SLC9A9: variants seen among roughly 807,000 people sequenced by gnomAD.
SLC9A9 encodes the protein solute carrier family 9 member A9.
SLC9A9 carries 62 observed loss-of-function variants against 77.8 expected under a neutral mutation model. That is an observed-to-expected ratio of 0.80 (90% CI 0.65 to 0.98). SLC9A9 has a LOEUF of 0.98. Ranked by LOEUF, SLC9A9 falls within the 50% of genes least tolerant of loss-of-function variation. The pLI, the probability that SLC9A9 is intolerant of heterozygous loss-of-function variation, is 0.00. For missense variants in SLC9A9, 775 were observed against 774.9 expected, an observed-to-expected ratio of 1.00 and a Z score of 0.00; for synonymous variants, 320 against 283.5, an observed-to-expected ratio of 1.13 and a Z score of -1.29.
At chr3:143,668,417 G>A (rs754734063) in intron 5 of SLC9A9, among the ~76,000 whole-genome samples, 8 of 151,754 alleles carry the variant, frequency 5.3e-5, no homozygotes, top group African/African-American at 1.2e-4. Context: ...CCAACATGGC[G>A]CATGTATACA....
At chr3:143,542,927 T>G (rs1348914082) in intron 9 of SLC9A9, among the ~76,000 whole-genome samples, 1 of 152,226 alleles carries the variant, frequency 6.6e-6, no homozygotes, top group Non-Finnish European at 1.5e-5. Context: ...AAGGTTAAGA[T>G]AAATTTAGAT....
chr3:143,827,469 A>G (rs2009329005), intron 2 of SLC9A9, among the ~76,000 whole-genome samples: 1 of 152,200 alleles, frequency 6.6e-6, no homozygotes. Flanking sequence ...CAAGTTTGGC[A>G]TATGGTGTTT....
At chr3:143,276,210 T>C (rs890472327) in intron 14 of SLC9A9, among the ~76,000 whole-genome samples, 1 of 152,212 alleles carries the variant, frequency 6.6e-6, no homozygotes, top group Non-Finnish European at 1.5e-5. Context: ...ATCTAGTTAC[T>C]ACTGTTAGAG....
chr3:143,770,501 G>A (rs1296369973), intron 4 of SLC9A9, among the ~76,000 whole-genome samples: 1 of 152,084 alleles, frequency 6.6e-6, no homozygotes, highest in African/African-American at 2.4e-5. Flanking sequence ...ATCTTGTGTT[G>A]GGAGGAGTCT....
At chr3:143,557,417 A>T (rs917050016) in intron 8 of SLC9A9, among the ~76,000 whole-genome samples, 3 of 152,180 alleles carry the variant, frequency 2.0e-5, no homozygotes, top group African/African-American at 7.2e-5. Flanking sequence ...AGAAATGTCG[A>T]TGCAACTTTG....
chr3:143,631,312 G>C (rs574824147), intron 6 of SLC9A9, among the ~76,000 whole-genome samples: 1 of 152,142 alleles, frequency 6.6e-6, no homozygotes. Context: ...GTTCACAGGA[G>C]AGCAACTACA....
Position 143,654,859 on chromosome 3 carries a change from C to A in SLC9A9, c.650-2499G>T, listed in dbSNP as rs560299090. On this transcript the variant is annotated intron_variant, in intron 5 of 15. Transcript: ENST00000316549. The stretch of plus-strand genomic sequence containing the variant: ...CCTATGGGGAAGACTCTACACCTGT[C>A]TAACGAAAGCTTTGAGCTTTTAAGA... Among the ~76,000 whole-genome samples, 4 of 152,296 alleles carry A rather than the reference C, an allele frequency of 2.6e-5. No homozygotes were observed. The East Asian group carries it at 7.7e-4, about 29-fold the overall frequency.
At chr3:143,556,178 T>G (rs1026837227) in intron 8 of SLC9A9, among the ~76,000 whole-genome samples, 1 of 152,228 alleles carries the variant, frequency 6.6e-6, no homozygotes, top group African/African-American at 2.4e-5. Flanking sequence ...GAGTCCTAAT[T>G]GTGAAGCTGT....
At chr3:143,604,166 T>G (rs1347360062) in intron 6 of SLC9A9, among the ~76,000 whole-genome samples, 2 of 152,232 alleles carry the variant, frequency 1.3e-5, no homozygotes, top group Non-Finnish European at 1.5e-5. Context: ...ACACATTTTT[T>G]TTAAGAAAGT....
chr3:143,489,071 A>G (rs145006759), intron 11 of SLC9A9, among the ~76,000 whole-genome samples: 1 of 152,060 alleles, frequency 6.6e-6, no homozygotes, highest in East Asian at 1.9e-4. Context: ...GCAAAAATCA[A>G]TTGCATTTTT....
chr3:143,554,487 A>AC (rs961421343), intron 8 of SLC9A9, among the ~76,000 whole-genome samples: 143 of 152,238 alleles, frequency 9.4e-4, no homozygotes, highest in African/African-American at 3.3e-3. Context: ...ACTTCTCAAC[A>AC]TCTCCATCCC....
chr3:143,572,979 A>T (rs1016979853), intron 8 of SLC9A9, among the ~76,000 whole-genome samples: 2 of 152,108 alleles, frequency 1.3e-5, no homozygotes, highest in Non-Finnish European at 2.9e-5. Flanking sequence ...TTGAGGTAGA[A>T]ATGCGTGGTC....
chr3:143,457,162 G>A (rs1430565765), intron 12 of SLC9A9, among the ~76,000 whole-genome samples: 1 of 152,068 alleles, frequency 6.6e-6, no homozygotes, highest in Non-Finnish European at 1.5e-5. Context: ...TGGGACTATA[G>A]GCATGTACCA....
chr3:143,814,028 T>C (rs1405408203), intron 2 of SLC9A9, among the ~76,000 whole-genome samples: 3 of 152,148 alleles, frequency 2.0e-5, no homozygotes. Context: ...ATCCATTCAC[T>C]CAACATGTGT....
intron 9 of SLC9A9, among the ~76,000 whole-genome samples, chr3:143,526,254 G>C (rs57588388): frequency 0.015 from 2,252 of 152,188 alleles, 66 homozygotes; most frequent in African/African-American, 0.052. Context: ...AAGTCTGGAG[G>C]GTTTGTTTTC....
rs138632391 is a variant in SLC9A9, at chr3:143,693,265, G to T, written c.576C>A (p.Gly192=). ...AATGAAAGTCTCCATTTTTCAGCTG[G>T]CCAGCATGTATCATAGCCTTCACAA... ...YGFVKAMIHA[G]QLKNGDFHFT... Residue 192 remains glycine, a synonymous_variant, in exon 5 of 16, where the codon GGC becomes GGA. Coordinates refer to ENST00000316549, the MANE Select transcript of SLC9A9 (RefSeq NM_173653.4). The T allele has an allele frequency of 9.7e-5, 156 of 1,613,126 alleles. No homozygotes were observed. The highest frequency in any genetic ancestry group is 1.3e-4 in the Non-Finnish European group (148 of 1,179,526).
intron 6 of SLC9A9, among the ~76,000 whole-genome samples, chr3:143,610,580 G>C (rs1182636507): frequency 6.6e-6 from 1 of 152,146 alleles, no homozygotes; most frequent in Non-Finnish European, 1.5e-5. Flanking sequence ...TTCCTCTCTT[G>C]AAAACTAAAC....
At chr3:143,407,223 T>C (rs1377806888) in intron 12 of SLC9A9, among the ~76,000 whole-genome samples, 1 of 152,176 alleles carries the variant, frequency 6.6e-6, no homozygotes, top group Admixed American at 6.5e-5. Context: ...TCTCATTTCT[T>C]ACCTATATGG....
intron 4 of SLC9A9, among the ~76,000 whole-genome samples, chr3:143,775,648 A>C (rs1273206459): frequency 1.3e-5 from 2 of 152,096 alleles, no homozygotes; most frequent in Non-Finnish European, 2.9e-5. Context: ...CATTCTGTTG[A>C]TTTTGGAACG....
Sources: allele counts gnomAD v4.1 joint callset (sites outside exome capture counted in the v4.1 genomes callset), GRCh38; gene constraint gnomAD v4.1.1; transcripts MANE v1.5; gene names NCBI Gene and HGNC (gene_info 2026-07-23, HGNC 2026-07-21).